The following KIDINS220 variants were observed in gnomAD, a reference collection of about 807,000 sequenced individuals.
The protein encoded by KIDINS220 is kinase D interacting substrate 220, also known as kinase D-interacting substrate of 220 kDa.
KIDINS220 carries 63 observed loss-of-function variants against 157.6 expected under a neutral mutation model. The observed-to-expected ratio is 0.40, with a 90% confidence interval of 0.33 to 0.49. KIDINS220 has a LOEUF of 0.49. KIDINS220 is among the 20% of genes least tolerant of loss of function. KIDINS220 has a pLI of 0.66. For synonymous variants in KIDINS220, 732 were observed against 783.6 expected (o/e 0.93, Z 1.10); for missense variants, 1,772 against 2,171.2 (o/e 0.82, Z 3.65).
Position 8,733,697 on chromosome 2 carries a change from C to A in KIDINS220, c.3817-17G>T. The A allele has an allele frequency of 7.0e-7, 1 of 1,421,196 alleles. No homozygotes were observed. The highest frequency in any genetic ancestry group is 9.5e-7 in the Non-Finnish European group (1 of 1,051,590). The allele number at this position is 1,421,196 out of a possible 1,614,324, so 88.0% of individuals were successfully genotyped here. On this transcript the variant is annotated splice_polypyrimidine_tract_variant and intron_variant, in intron 28 of 29. Transcript: ENST00000256707. ...TTCTAGTACCTTAACAGAAGAAAAACATAAATATTTACACTAACAAATCAT... is the reference window on the plus strand; with the variant it reads ...TTCTAGTACCTTAACAGAAGAAAAAAATAAATATTTACACTAACAAATCAT...
chr2:8,793,863 T>C lies in KIDINS220; in HGVS notation c.1223A>G (p.Tyr408Cys), dbSNP rs770073506. 4 of 1,613,498 alleles carry C rather than the reference T, an allele frequency of 2.5e-6. No homozygotes were observed. Among genetic ancestry groups the C allele is most frequent in the Non-Finnish European group, 2.5e-6 (3 of 1,179,822 alleles). Residue 408 changes from tyrosine (Y) to cysteine (C), a missense_variant, in exon 12 of 30, where the codon TAT becomes TGT. By Grantham distance (194) the Tyr-to-Cys change is radical. Coordinates refer to ENST00000256707, the MANE Select transcript of KIDINS220 (RefSeq NM_020738.4). ...CTTCTGATGGCTACAGTCAATATTATAAGGAGTCTCGCCTGCTTTGTTGGG... is the reference window on the plus strand; with the variant it reads ...CTTCTGATGGCTACAGTCAATATTACAAGGAGTCTCGCCTGCTTTGTTGGG... ...YRPNKAGETP[Y>C]NIDCSHQKSI...
chr2:8,740,239 G>T, intron 26 of KIDINS220: 1 of 791,454 alleles, frequency 1.3e-6, no homozygotes, highest in Non-Finnish European at 1.5e-6. Flanking sequence ...TAACACATCC[G>T]ATGCACAACT....
chr2:8,786,754 G>A (rs538590500), intron 15 of KIDINS220, among the ~76,000 whole-genome samples: 42 of 151,992 alleles, frequency 2.8e-4, no homozygotes, highest in African/African-American at 9.9e-4. Context: ...TAACACCAAC[G>A]AAAGAGACTC....
At chr2:8,828,908 C>T (rs906936257) in intron 1 of KIDINS220, among the ~76,000 whole-genome samples, 1 of 152,178 alleles carries the variant, frequency 6.6e-6, no homozygotes, top group Non-Finnish European at 1.5e-5. Context: ...TCTGGATGGA[C>T]TACACCCAGA....
chr2:8,741,899 T>A (rs1054134940), intron 26 of KIDINS220, among the ~76,000 whole-genome samples: 1 of 152,224 alleles, frequency 6.6e-6, no homozygotes, highest in Non-Finnish European at 1.5e-5. Flanking sequence ...TAAGACACTT[T>A]AAAAAGTGTG....
At chr2:8,825,169 C>T (rs1464196014) in intron 2 of KIDINS220, among the ~76,000 whole-genome samples, 1 of 151,802 alleles carries the variant, frequency 6.6e-6, no homozygotes. Context: ...GTCAGGAGTT[C>T]GAGACCAGCC....
Position 8,806,327 on chromosome 2 carries a change from A to C in KIDINS220, c.547T>G (p.Leu183Val). 1 of 1,611,064 alleles carries C rather than the reference A, an allele frequency of 6.2e-7. No individual in the cohort carries two copies. Among genetic ancestry groups the C allele is most frequent in the Non-Finnish European group, 8.5e-7 (1 of 1,178,292 alleles). Reference protein sequence around the residue: ...PLVWAARKGHLECVKHLLAMG... With the variant: ...PLVWAARKGHVECVKHLLAMG... The stretch of plus-strand genomic sequence containing the variant: ...GCCAATAAATGTTTCACACATTCCA[A>C]ATGACCCTTTCGTGCAGCCCAAACT... Residue 183 changes from leucine to valine, a missense_variant, in exon 7 of 30, where the codon TTG becomes GTG. Leu to Val is a conservative substitution (Grantham distance 32). This residue lies in a region of KIDINS220 where 254 missense variants were observed against 268.6 expected (regional missense o/e 0.95). Transcript: ENST00000256707.
chr2:8,823,260 A>T (rs1231835537), intron 2 of KIDINS220, among the ~76,000 whole-genome samples: 2 of 152,144 alleles, frequency 1.3e-5, no homozygotes, highest in Admixed American at 6.5e-5. Flanking sequence ...GCCTACCCAC[A>T]TTATTTTAAT....
At chr2:8,817,855 A>C in intron 3 of KIDINS220, 139 bp from the exon 4 acceptor site, 1 of 491,618 alleles carries the variant, frequency 2.0e-6, no homozygotes, top group Non-Finnish European at 3.6e-6. Flanking sequence ...AACTACTCTA[A>C]AGTCATACTG....
At position 8,750,224 on chromosome 2, in the gene KIDINS220, A is replaced by C; in HGVS notation, c.3302T>G (p.Val1101Gly). Residue 1101 changes from valine (V) to glycine (G), a missense_variant, in exon 24 of 30, where the codon GTG becomes GGG. By Grantham distance (109) the Val-to-Gly change is moderately radical. Coordinates refer to ENST00000256707, the MANE Select transcript of KIDINS220 (RefSeq NM_020738.4). ...APSGYSQPPS[V>G]CSSTSFNGPF... ...CCCATTGAAGGACGTGGAAGAGCAC[A>C]CGGATGGGGGCTGGCTGTACCCTGA... 2 of 1,614,192 alleles carry C rather than the reference A, an allele frequency of 1.2e-6. No homozygotes were observed. Among genetic ancestry groups the C allele is most frequent in the Non-Finnish European group, 1.7e-6 (2 of 1,180,032 alleles).
intron 3 of KIDINS220, 23 bp downstream of exon 3, chr2:8,818,672 G>C: frequency 7.6e-7 from 1 of 1,309,950 alleles, no homozygotes; most frequent in South Asian, 1.3e-5. Context: ...AGTAAATGAT[G>C]AGTAAATTAT....
chr2:8,762,800 T>G (rs1449132149), intron 22 of KIDINS220, among the ~76,000 whole-genome samples: 1 of 151,996 alleles, frequency 6.6e-6, no homozygotes, highest in East Asian at 1.9e-4. Context: ...CTAAAAAAAA[T>G]TATAGCCATA....
At chr2:8,798,364 A>G (rs948441566) in intron 9 of KIDINS220, 64 bp from the exon 10 acceptor site, 1 of 889,082 alleles carries the variant, frequency 1.1e-6, no homozygotes, top group African/African-American at 1.7e-5. Context: ...TGCTACTTAT[A>G]AATACAAAAC....
Position 8,730,952 on chromosome 2 carries a change from G to T in KIDINS220, c.5084C>A (p.Ala1695Asp). The change falls in exon 30 of 30, where the codon GCC (alanine) becomes GAC (aspartate). Residue 1695 changes from alanine to aspartate, a missense_variant. Around this residue, in one of 3 missense-constraint regions of KIDINS220, gnomAD observed 793 missense variants for 885.5 expected, o/e 0.90. Transcript: ENST00000256707. ...CTCCATCTCATCGAAATTTTGATTG[G>T]CTCTGTTGGCTGGAGCACTATTGTT... ...LNNNSAPANR[A>D]NQNFDEMEGI... is the part of the protein sequence containing the mutation. The T allele has an allele frequency of 3.1e-6, 5 of 1,614,198 alleles. No homozygotes were observed. The highest frequency in any genetic ancestry group is 4.2e-6 in the Non-Finnish European group (5 of 1,180,036).
At chr2:8,803,348 AG>A (rs1411270870) in intron 7 of KIDINS220, among the ~76,000 whole-genome samples, 1 of 152,214 alleles carries the variant, frequency 6.6e-6, no homozygotes, top group Non-Finnish European at 1.5e-5. Context: ...AATGATCTTC[AG>A]TCATTAGAGC....
Position 8,736,188 on chromosome 2 carries a change from G to A in KIDINS220, c.3717+680C>T, listed in dbSNP as rs113586777. Among the ~76,000 whole-genome samples the A allele has an allele frequency of 1.6e-3, 251 of 152,188 alleles. 1 individual carries two copies. The highest frequency in any genetic ancestry group is 0.011 in the South Asian group (54 of 4,822). On this transcript the variant is annotated intron_variant, in intron 27 of 29. Coordinates refer to ENST00000256707, the MANE Select transcript of KIDINS220 (RefSeq NM_020738.4). ...TAAATATTAGAGGCTGGTTATTAAC[G>A]TTCTACTTTATTACACAGTACTCTG...
chr2:8,826,464 C>T (rs540805192), intron 2 of KIDINS220, among the ~76,000 whole-genome samples: 167 of 152,136 alleles, frequency 1.1e-3, no homozygotes, highest in Non-Finnish European at 1.8e-3. Context: ...CAAAATTAGC[C>T]GAGCGTGGTG....
chr2:8,813,127 A>G (rs1266628744), intron 5 of KIDINS220, 110 bp downstream of exon 5: 1 of 624,830 alleles, frequency 1.6e-6, no homozygotes, highest in Admixed American at 3.0e-5. Flanking sequence ...TACGTTTAAT[A>G]AGATAAAGAA....
chr2:8,822,574 G>A (rs1314144218), intron 2 of KIDINS220, among the ~76,000 whole-genome samples: 30 of 152,146 alleles, frequency 2.0e-4, no homozygotes, highest in Admixed American at 2.0e-3. Flanking sequence ...GCTGCAGTGA[G>A]CTGGATCATG....
Sources: allele counts gnomAD v4.1 joint callset (sites outside exome capture counted in the v4.1 genomes callset), GRCh38; gene constraint gnomAD v4.1.1; regional missense constraint gnomAD v4.1.1; transcripts MANE v1.5; gene names NCBI Gene and HGNC (gene_info 2026-07-23, HGNC 2026-07-21).